RUFY3: variants seen among roughly 807,000 people sequenced by gnomAD.
The protein encoded by RUFY3 is protein RUFY3.
In RUFY3, 34 loss-of-function variants were observed where a neutral mutation model predicts 84.0. That is an observed-to-expected ratio of 0.40 (90% confidence interval 0.31 to 0.54). The LOEUF (loss-of-function observed/expected upper bound fraction) is 0.54, where lower values mean the gene tolerates loss of function less well. Ranked by LOEUF, RUFY3 falls within the 20% of genes least tolerant of loss-of-function variation. The pLI is 0.39. For missense variants in RUFY3, 507 were observed against 736.8 expected (o/e 0.69, Z 3.61); for synonymous variants, 242 against 252.9 (o/e 0.96, Z 0.41).
chr4:70,797,407 C>A (rs534814358), intron 14 of RUFY3, among the ~76,000 whole-genome samples: 77 of 152,148 alleles, frequency 5.1e-4, no homozygotes, highest in African/African-American at 1.7e-3. Flanking sequence ...TTTTTGAATA[C>A]CTCTAGTATA....
intron 1 of RUFY3, among the ~76,000 whole-genome samples, chr4:70,752,072 C>T (rs779541842): frequency 3.0e-4 from 45 of 152,254 alleles, no homozygotes; most frequent in Admixed American, 5.2e-4. Flanking sequence ...TGAGATACCG[C>T]GCCCAGCCTG....
intron 1 of RUFY3, among the ~76,000 whole-genome samples, chr4:70,757,604 GAAAAATTA>G (rs1329212351): frequency 2.0e-5 from 3 of 152,016 alleles, no homozygotes; most frequent in Admixed American, 1.3e-4. Flanking sequence ...AACTCCATCT[GAAAAATTA>G]AAAAATTAAA....
intron 8 of RUFY3, among the ~76,000 whole-genome samples, chr4:70,779,140 T>C (rs1023778981): frequency 1.3e-4 from 20 of 152,334 alleles, no homozygotes; most frequent in Non-Finnish European, 2.6e-4. Context: ...ATGTTCCAGA[T>C]TGGCAAACTC....
chr4:70,748,624 T>C (rs1478592024), intron 1 of RUFY3, among the ~76,000 whole-genome samples: 1 of 152,142 alleles, frequency 6.6e-6, no homozygotes, highest in Non-Finnish European at 1.5e-5. Context: ...TAAAGGACTT[T>C]ATTACTCATG....
chr4:70,754,679 G>T (rs1209914790), intron 1 of RUFY3, among the ~76,000 whole-genome samples: 1 of 151,758 alleles, frequency 6.6e-6, no homozygotes, highest in African/African-American at 2.4e-5. Flanking sequence ...CTCATTTTCT[G>T]TCCAGTTTTA....
At chr4:70,793,955 G>A (rs1731190536) in intron 13 of RUFY3, 51 bp downstream of exon 13, 1 of 1,586,190 alleles carries the variant, frequency 6.3e-7, no homozygotes, top group Non-Finnish European at 8.6e-7. Context: ...TAATTCTTAG[G>A]GTAGACAGCA....
intron 12 of RUFY3, chr4:70,791,491 G>A: frequency 2.2e-6 from 3 of 1,371,090 alleles, no homozygotes; most frequent in East Asian, 2.8e-5. Flanking sequence ...TTCTCCCCAG[G>A]GTTAGAAAAA....
intron 16 of RUFY3, among the ~76,000 whole-genome samples, chr4:70,803,900 AAT>A (rs144431416): frequency 0.044 from 6,025 of 138,278 alleles, 281 homozygotes; most frequent in East Asian, 0.2. Context: ...TTTTTTTTTT[AAT>A]ATATATATTT....
intron 12 of RUFY3, chr4:70,791,889 T>C: frequency 2.0e-6 from 2 of 985,416 alleles, no homozygotes. Flanking sequence ...GCTTGCAACT[T>C]TTTTTGCCTT....
chr4:70,780,788 C>T (rs1044473096), intron 8 of RUFY3, among the ~76,000 whole-genome samples: 21 of 152,070 alleles, frequency 1.4e-4, no homozygotes, highest in African/African-American at 4.3e-4. Context: ...AATTTTATTC[C>T]CTCAGTCATA....
chr4:70,801,804 T>C (rs1470596393), intron 15 of RUFY3, among the ~76,000 whole-genome samples: 2 of 152,158 alleles, frequency 1.3e-5, no homozygotes, highest in Non-Finnish European at 2.9e-5. Context: ...CATTACAGAA[T>C]GGCATAAGCA....
rs1223792132 is a variant in RUFY3, at chr4:70,807,941, G to A, written c.*1282G>A. 6.6e-6 allele frequency among the ~76,000 whole-genome samples: 1 copy of A among 152,122 alleles called. No individual in the cohort carries two copies. The highest frequency in any genetic ancestry group is 1.5e-5 in the Non-Finnish European group (1 of 68,032). On this transcript the variant is annotated 3_prime_UTR_variant, in exon 18 of 18. Transcript: ENST00000381006. ...AAAAGGGCAATACAGTCATCCCTTG[G>A]TATCCATGGGGGATTGGTTCCAGGA...
chr4:70,795,170 T>C (rs1731346815), intron 14 of RUFY3, among the ~76,000 whole-genome samples: 1 of 152,224 alleles, frequency 6.6e-6, no homozygotes, highest in South Asian at 2.1e-4. Context: ...AGTAAGATTA[T>C]TTTGGTGTCT....
At chr4:70,802,852 CTTG>C (rs1732402175) in intron 15 of RUFY3, 101 bp from the exon 16 acceptor site, 1 of 785,342 alleles carries the variant, frequency 1.3e-6, no homozygotes, top group South Asian at 1.8e-5. Context: ...TACAGTATTT[CTTG>C]TTTGAAAAAA....
At chr4:70,787,188 ATATATATATAT>A (rs1729999834) in intron 10 of RUFY3, among the ~76,000 whole-genome samples, 1 of 61,426 alleles carries the variant, frequency 1.6e-5, no homozygotes, top group African/African-American at 6.6e-5. Flanking sequence ...AAAAAAAAAA[ATATATATATAT>A]ATATATATAT....
chr4:70,743,132 G>A (rs367712567), intron 1 of RUFY3, among the ~76,000 whole-genome samples: 3 of 151,992 alleles, frequency 2.0e-5, no homozygotes, highest in East Asian at 1.9e-4. Context: ...GCAGTGGAGC[G>A]ATCTCATCTC....
At chr4:70,714,696 A>G (rs1484842321) in intron 1 of RUFY3, among the ~76,000 whole-genome samples, 1 of 152,228 alleles carries the variant, frequency 6.6e-6, no homozygotes, top group African/African-American at 2.4e-5. Flanking sequence ...GGTAGGTACT[A>G]TTTTGAGTAG....
At chr4:70,756,544 C>A (rs1224324273) in intron 1 of RUFY3, among the ~76,000 whole-genome samples, 1 of 152,086 alleles carries the variant, frequency 6.6e-6, no homozygotes, top group African/African-American at 2.4e-5. Flanking sequence ...TATGTTCTTC[C>A]ATACTTCTGT....
intron 17 of RUFY3, among the ~76,000 whole-genome samples, chr4:70,806,077 C>A (rs1291869762): frequency 6.6e-6 from 1 of 152,216 alleles, no homozygotes; most frequent in East Asian, 1.9e-4. Flanking sequence ...TAAAGCACAT[C>A]AGTGTATTTA....
Sources: allele counts gnomAD v4.1 joint callset (sites outside exome capture counted in the v4.1 genomes callset), GRCh38; gene constraint gnomAD v4.1.1; transcripts MANE v1.5; gene names NCBI Gene and HGNC (gene_info 2026-07-23, HGNC 2026-07-21).